Variants in TMC5 observed in about 807,000 individuals in gnomAD.
TMC5 encodes transmembrane channel like 5.
TMC5 carries 86 observed loss-of-function variants against 110.5 expected under a neutral mutation model. The ratio of observed to expected loss-of-function variants is 0.78; its 90% CI spans 0.65 to 0.93. The LOEUF (loss-of-function observed/expected upper bound fraction) is 0.93. Among genes scored for constraint, TMC5 ranks in the 40% least tolerant of loss-of-function variants. TMC5 has a pLI of 0.00. For synonymous variants in TMC5, 455 were observed against 439.5 expected, an observed-to-expected ratio of 1.04 and a Z score of -0.44; for missense variants, 1,144 against 1,222.8, an observed-to-expected ratio of 0.94 and a Z score of 0.96.
Position 19,472,138 on chromosome 16 carries a change from G to C in TMC5, c.1833G>C (p.Gln611His). The change falls in exon 11 of 22, where the codon CAG becomes CAC. Residue 611 changes from glutamine (Q) to histidine (H), a missense_variant. Transcript: ENST00000542583. ...RQENSKLTFN[Q>H]LLTRFSAYMV... ...AGAATTCCAAGTTGACGTTCAATCA[G>C]CTGCTGACCCGCTTCTCTGCCTACA... The C allele has an allele frequency of 3.7e-6, 6 of 1,614,192 alleles. No homozygotes were observed. Among genetic ancestry groups the C allele is most frequent in the Non-Finnish European group, 5.1e-6 (6 of 1,180,032 alleles).
At chr16:19,494,142 A>G in intron 19 of TMC5, 120 bp from the exon 20 acceptor site, 1 of 754,466 alleles carries the variant, frequency 1.3e-6, no homozygotes, top group Non-Finnish European at 2.2e-6. Context: ...ACCTCCATCC[A>G]ACTTCTAGGA....
chr16:19,492,106 A>G, intron 18 of TMC5, 44 bp from the exon 19 acceptor site: 1 of 1,508,028 alleles, frequency 6.6e-7, no homozygotes, highest in Non-Finnish European at 9.2e-7. Flanking sequence ...CAGAGCCTGC[A>G]AAACATTTGC....
At chr16:19,493,560 A>G (rs865985954) in intron 19 of TMC5, among the ~76,000 whole-genome samples, 2 of 151,344 alleles carry the variant, frequency 1.3e-5, no homozygotes, top group African/African-American at 4.9e-5. Context: ...TCCTGGGTTC[A>G]AGTGATTCTC....
At chr16:19,486,593 T>G (rs916219519) in intron 15 of TMC5, among the ~76,000 whole-genome samples, 1 of 151,914 alleles carries the variant, frequency 6.6e-6, no homozygotes, top group Non-Finnish European at 1.5e-5. Context: ...CCCAGGCTGG[T>G]CTTGAACTCC....
At position 19,444,776 on chromosome 16, in the gene TMC5, A is replaced by G. The variant is rs548176237; in HGVS notation, c.958+526A>G. Among the ~76,000 whole-genome samples the G allele has an allele frequency of 5.3e-4, 80 of 152,334 alleles. 1 individual carries two copies. Among genetic ancestry groups the G allele is most frequent in the African/African-American group, 1.7e-3 (69 of 41,576 alleles). Reference sequence around the variant, plus strand: ...AACCTACTGGGGGAAAAGGGAGTTAAGAGGTAGCTCTGCCCTCATGTTATT... The same window carrying G: ...AACCTACTGGGGGAAAAGGGAGTTAGGAGGTAGCTCTGCCCTCATGTTATT... On this transcript the variant is annotated intron_variant, in intron 4 of 21. Coordinates refer to ENST00000542583, the MANE Select transcript of TMC5 (RefSeq NM_001261841.2).
At position 19,431,592 on chromosome 16, in the gene TMC5, T is replaced by C. The variant is rs149740871; in HGVS notation, c.-80+952T>C. 8.6e-5 allele frequency among the ~76,000 whole-genome samples: 13 copies of C among 151,652 alleles called. No homozygotes were observed. The East Asian group carries it at 2.5e-3, about 29-fold the overall frequency. On this transcript the variant is annotated intron_variant, in intron 2 of 21. Coordinates refer to ENST00000542583, the MANE Select transcript of TMC5 (RefSeq NM_001261841.2). The stretch of plus-strand genomic sequence containing the variant: ...AAGAAGACAAAATGTACGGCTGAAA[T>C]TGGACTTTGTGGCCTTGTTTTGCCT...
upstream of TMC5, among the ~76,000 whole-genome samples, chr16:19,417,438 A>C (rs942955311): frequency 6.6e-6 from 1 of 150,698 alleles, no homozygotes; most frequent in Non-Finnish European, 1.5e-5. Context: ...AAAAAAAAAA[A>C]AAGGAGCCAG....
In TMC5 at chr16:19,440,183, G is replaced by A. The variant is rs200488065; in HGVS notation, c.145G>A (p.Gly49Ser). 277 of 1,613,936 alleles carry A rather than the reference G, an allele frequency of 1.7e-4. No individual in the cohort carries two copies. The highest frequency in any genetic ancestry group is 2.1e-4 in the Non-Finnish European group (250 of 1,179,998). ...PGPLNNPDYP[G>S]TRSNPYSVAS... ...TCCTCTGAACAATCCAGACTACCCCGGCACCAGGAGCAATCCATACTCTGT... is the reference window on the plus strand; with the variant it reads ...TCCTCTGAACAATCCAGACTACCCCAGCACCAGGAGCAATCCATACTCTGT... The change falls in exon 3 of 22, where the codon GGC becomes AGC. Residue 49 changes from glycine to serine, a missense_variant. By Grantham distance (56) the Gly-to-Ser change is moderately conservative. Coordinates refer to ENST00000542583, the MANE Select transcript of TMC5 (RefSeq NM_001261841.2).
At chr16:19,478,195 C>T (rs1968533740) in intron 13 of TMC5, among the ~76,000 whole-genome samples, 1 of 152,186 alleles carries the variant, frequency 6.6e-6, no homozygotes, top group African/African-American at 2.4e-5. Flanking sequence ...CATCACACAG[C>T]AATCCTTAGC....
chr16:19,456,292 A>ATG (rs1967870730), intron 5 of TMC5, among the ~76,000 whole-genome samples: 2 of 150,380 alleles, frequency 1.3e-5, no homozygotes, highest in South Asian at 4.1e-4. Context: ...ACATATATAT[A>ATG]TGTATATATA....
At chr16:19,441,907 G>A (rs139042785) in intron 3 of TMC5, among the ~76,000 whole-genome samples, 117 of 152,246 alleles carry the variant, frequency 7.7e-4, no homozygotes, top group Middle Eastern at 3.4e-3. Flanking sequence ...GGGTTCAAGC[G>A]ATTCTCCTAC....
chr16:19,436,578 A>C (rs1487661657), intron 2 of TMC5, among the ~76,000 whole-genome samples: 1 of 152,222 alleles, frequency 6.6e-6, no homozygotes, highest in Non-Finnish European at 1.5e-5. Flanking sequence ...TTAGCACTAC[A>C]GACAGTTTAT....
intron 15 of TMC5, among the ~76,000 whole-genome samples, chr16:19,483,621 A>G (rs770500592): frequency 2.4e-4 from 36 of 152,060 alleles, no homozygotes; most frequent in Non-Finnish European, 4.4e-4. Context: ...TCTACTAAAA[A>G]TACAAAATTA....
intron 1 of TMC5, among the ~76,000 whole-genome samples, chr16:19,421,242 G>A (rs551621459): frequency 7.9e-5 from 12 of 152,044 alleles, no homozygotes; most frequent in South Asian, 6.3e-4. Context: ...AAAGTATCAT[G>A]TTAAAATATT....
intron 19 of TMC5, among the ~76,000 whole-genome samples, chr16:19,493,270 A>C (rs925335588): frequency 1.1e-4 from 16 of 151,752 alleles, no homozygotes; most frequent in Non-Finnish European, 1.8e-4. Context: ...TGAGATAAAG[A>C]CTTTTAAAAA....
rs773692452 is a variant in TMC5 at position 19,440,422 on chromosome 16, C to T, written c.384C>T (p.Tyr128=). ...YHRASSRQPD[Y]PGSQRNPDFA... ...GAGCATCATCCAGACAACCAGACTACCCTGGATCTCAACGAAATCCTGATT... is the reference window on the plus strand; with the variant it reads ...GAGCATCATCCAGACAACCAGACTATCCTGGATCTCAACGAAATCCTGATT... Residue 128 remains tyrosine, a synonymous_variant, in exon 3 of 22, where the codon TAC becomes TAT. Coordinates refer to ENST00000542583, the MANE Select transcript of TMC5 (RefSeq NM_001261841.2). 56 of 1,614,002 alleles carry T rather than the reference C, an allele frequency of 3.5e-5. No homozygotes were observed. The highest frequency in any genetic ancestry group is 8.0e-5 in the African/African-American group (6 of 74,906).
intron 1 of TMC5, among the ~76,000 whole-genome samples, chr16:19,430,089 C>T (rs959564247): frequency 1.3e-5 from 2 of 152,134 alleles, no homozygotes; most frequent in South Asian, 2.1e-4. Context: ...ACCACATTTA[C>T]GATAGTGGCA....
intron 21 of TMC5, 97 bp downstream of exon 21, chr16:19,497,260 T>G: frequency 7.5e-7 from 1 of 1,326,672 alleles, no homozygotes; most frequent in South Asian, 1.3e-5. Context: ...CATTACTTTT[T>G]CAGTTGCAAA....
chr16:19,411,847 T>C (rs1267315101), intron 1 of TMC5, among the ~76,000 whole-genome samples: 8 of 152,220 alleles, frequency 5.3e-5, no homozygotes. Context: ...CAATAACCCC[T>C]GCTAGTTCCA....
Sources: allele counts gnomAD v4.1 joint callset (sites outside exome capture counted in the v4.1 genomes callset), GRCh38; gene constraint gnomAD v4.1.1; transcripts MANE v1.5; gene names NCBI Gene and HGNC (gene_info 2026-07-23, HGNC 2026-07-21).